Variants in SLC25A21 observed in about 807,000 individuals in gnomAD.
SLC25A21 encodes mitochondrial 2-oxodicarboxylate carrier.
Under a neutral mutation model 43.8 loss-of-function variants are expected in SLC25A21, and 47 were observed. The observed-to-expected ratio is 1.07, with a 90% CI of 0.85 to 1.37. The LOEUF (loss-of-function observed/expected upper bound fraction) is 1.37, where lower values mean the gene tolerates loss of function less well. Among genes scored for constraint, SLC25A21 ranks in the 40% most tolerant of loss-of-function variants. The pLI, the probability that SLC25A21 is intolerant of heterozygous loss-of-function variation, is 0.00. For missense variants in SLC25A21, 352 were observed against 350.2 expected (o/e 1.00, Z -0.04); for synonymous variants, 131 against 121.3 (o/e 1.08, Z -0.52).
intron 1 of SLC25A21, among the ~76,000 whole-genome samples, chr14:37,150,080 A>G (rs1002674551): frequency 4.6e-5 from 7 of 152,124 alleles, no homozygotes; most frequent in African/African-American, 1.7e-4. Context: ...CATATACCCA[A>G]TTTCTTATGT....
chr14:36,788,107 C>T (rs1887316639), intron 3 of SLC25A21, among the ~76,000 whole-genome samples: 1 of 152,114 alleles, frequency 6.6e-6, no homozygotes, highest in Non-Finnish European at 1.5e-5. Flanking sequence ...ATAAAATGGC[C>T]ACTTTTTAAA....
chr14:37,119,659 T>C (rs959949374), intron 1 of SLC25A21, among the ~76,000 whole-genome samples: 6 of 152,210 alleles, frequency 3.9e-5, no homozygotes, highest in Non-Finnish European at 7.3e-5. Context: ...TTTATTCCTT[T>C]ACTTCCTAAT....
intron 3 of SLC25A21, among the ~76,000 whole-genome samples, chr14:36,803,447 A>G (rs989152261): frequency 2.6e-5 from 4 of 152,204 alleles, no homozygotes; most frequent in African/African-American, 9.7e-5. Context: ...TTCACTGAAA[A>G]TGTATAGAAT....
intron 1 of SLC25A21, among the ~76,000 whole-genome samples, chr14:37,067,563 A>C (rs1333078187): frequency 6.6e-6 from 1 of 152,194 alleles, no homozygotes; most frequent in Non-Finnish European, 1.5e-5. Context: ...AAGCGGAAGG[A>C]AAGTGATCCC....
chr14:36,769,282 A>G (rs925913018), intron 3 of SLC25A21, among the ~76,000 whole-genome samples: 2 of 152,114 alleles, frequency 1.3e-5, no homozygotes, highest in African/African-American at 4.8e-5. Context: ...CAACAATGAC[A>G]ATTTTATTTT....
chr14:37,172,534 C>G lies in SLC25A21; in HGVS notation c.-184G>C, dbSNP rs1307281385. 2.7e-6 allele frequency: 2 copies of G among 739,362 alleles called. No homozygotes were observed. Among genetic ancestry groups the G allele is most frequent in the East Asian group, 2.7e-5 (1 of 37,358 alleles). 45.8% of individuals were successfully genotyped at this position (739,362 alleles called of 1,614,324 possible). ...GAGGCGCAGATTCGTCGCGCGATCT[C>G]CGGCGCGTCGGAACCTGTTCGCAGC... On this transcript the variant is annotated 5_prime_UTR_variant, in exon 1 of 10. Transcript: ENST00000331299.
intron 2 of SLC25A21, among the ~76,000 whole-genome samples, chr14:36,856,282 G>T (rs17105539): frequency 6.6e-6 from 1 of 152,000 alleles, no homozygotes; most frequent in African/African-American, 2.4e-5. Context: ...CAGGAACTGC[G>T]GGCTTTGTTT....
intron 3 of SLC25A21, among the ~76,000 whole-genome samples, chr14:36,759,925 G>A (rs1038426355): frequency 3.3e-5 from 5 of 152,166 alleles, no homozygotes; most frequent in South Asian, 2.1e-4. Context: ...CCGAGATCAC[G>A]TCACTGCACT....
chr14:37,150,393 A>G lies in SLC25A21; in HGVS notation c.70+21888T>C, dbSNP rs146603655. Among the ~76,000 whole-genome samples, 17 of 152,288 alleles carry G rather than the reference A, an allele frequency of 1.1e-4. No individual in the cohort carries two copies. In the East Asian group the frequency reaches 3.1e-3, roughly 28 times the overall value. On this transcript the variant is annotated intron_variant, in intron 1 of 9. Transcript: ENST00000331299. ...ACATAAAGAAAATAAATATTATACA[A>G]ATAAAAACAGTTTCTTCCATCCCTC...
chr14:37,060,125 T>C (rs956351301), intron 1 of SLC25A21, among the ~76,000 whole-genome samples: 4 of 150,988 alleles, frequency 2.6e-5, no homozygotes, highest in East Asian at 1.9e-4. Flanking sequence ...TATTAGGAGG[T>C]AGGGCCTTGG....
intron 1 of SLC25A21, among the ~76,000 whole-genome samples, chr14:37,155,775 G>A (rs76704979): frequency 0.051 from 7,748 of 152,228 alleles, 663 homozygotes; most frequent in African/African-American, 0.18. Flanking sequence ...AATGCTGAAG[G>A]AATTTATTAC....
Position 36,678,598 on chromosome 14 carries a change from A to T in SLC25A21, c.*2060T>A. 1 of 1,506,494 alleles carries T rather than the reference A, an allele frequency of 6.6e-7. No homozygotes were observed. The highest frequency in any genetic ancestry group is 8.8e-7 in the Non-Finnish European group (1 of 1,132,712). The allele number at this position is 1,506,494 out of a possible 1,614,324, so 93.3% of individuals were successfully genotyped here. On this transcript the variant is annotated 3_prime_UTR_variant, in exon 10 of 10. Coordinates refer to ENST00000331299, the MANE Select transcript of SLC25A21 (RefSeq NM_030631.4). ...GACTCTCCTGTCATCTGAAAAACTG[A>T]TGTAAGGTACAGAACTATTCTTTAT...
At chr14:36,754,838 A>G (rs1885864739) in intron 3 of SLC25A21, among the ~76,000 whole-genome samples, 1 of 152,212 alleles carries the variant, frequency 6.6e-6, no homozygotes, top group African/African-American at 2.4e-5. Flanking sequence ...AGAATTCAGT[A>G]ATTTTCATAG....
intron 3 of SLC25A21, among the ~76,000 whole-genome samples, chr14:36,757,394 C>T (rs974539166): frequency 2.0e-5 from 3 of 152,166 alleles, no homozygotes; most frequent in Non-Finnish European, 4.4e-5. Context: ...ATTGCTTTAA[C>T]ATTTCTAAAC....
intron 1 of SLC25A21, among the ~76,000 whole-genome samples, chr14:37,135,099 T>C (rs1307490995): frequency 1.3e-5 from 2 of 152,094 alleles, no homozygotes; most frequent in Non-Finnish European, 1.5e-5. Context: ...AGCTAATTCT[T>C]GTACTTTTAG....
At chr14:36,862,597 T>C (rs1355767780) in intron 2 of SLC25A21, among the ~76,000 whole-genome samples, 1 of 151,040 alleles carries the variant, frequency 6.6e-6, no homozygotes, top group Non-Finnish European at 1.5e-5. Flanking sequence ...CAACACACAC[T>C]GGGGCCTTTC....
At chr14:36,917,398 G>T (rs953003033) in intron 1 of SLC25A21, among the ~76,000 whole-genome samples, 3 of 152,012 alleles carry the variant, frequency 2.0e-5, no homozygotes, top group African/African-American at 4.8e-5. Context: ...TGCCATCTGG[G>T]TGCTTCCAAT....
chr14:36,844,777 G>C (rs1317638019), intron 2 of SLC25A21, among the ~76,000 whole-genome samples: 1 of 152,170 alleles, frequency 6.6e-6, no homozygotes, highest in Admixed American at 6.5e-5. Flanking sequence ...CTAATCCAAA[G>C]AAACTTCATG....
intron 2 of SLC25A21, among the ~76,000 whole-genome samples, chr14:36,834,523 G>A: frequency 6.6e-6 from 1 of 152,112 alleles, no homozygotes; most frequent in Admixed American, 6.6e-5. Flanking sequence ...TGGTACCTTG[G>A]TACGTTGATT....
Sources: allele counts gnomAD v4.1 joint callset (sites outside exome capture counted in the v4.1 genomes callset), GRCh38; gene constraint gnomAD v4.1.1; transcripts MANE v1.5; gene names NCBI Gene and HGNC (gene_info 2026-07-23, HGNC 2026-07-21).